RBM27: variants seen among roughly 807,000 people sequenced by gnomAD.
The protein encoded by RBM27 is RNA-binding protein 27.
A neutral mutation model predicts 135.3 loss-of-function variants in RBM27; 22 were observed. That is an observed-to-expected ratio of 0.16 (90% CI 0.12 to 0.23). The LOEUF (loss-of-function observed/expected upper bound fraction) is 0.23. Among genes scored for constraint, RBM27 ranks in the 10% least tolerant of loss-of-function variants. The pLI, the probability that RBM27 is intolerant of heterozygous loss-of-function variation, is 1.00. For synonymous variants in RBM27, 481 were observed against 442.4 expected (o/e 1.09, Z -1.10); for missense variants, 1,009 against 1,281.0 (o/e 0.79, Z 3.24).
chr5:146,239,670 G>T (rs1025061223), intron 8 of RBM27, among the ~76,000 whole-genome samples: 1 of 151,538 alleles, frequency 6.6e-6, no homozygotes, highest in African/African-American at 2.4e-5. Context: ...GGTAGAGATG[G>T]GGTTTTGTTA....
intron 19 of RBM27, among the ~76,000 whole-genome samples, chr5:146,281,017 C>G (rs536166132): frequency 6.6e-6 from 1 of 152,010 alleles, no homozygotes. Context: ...ACCACCACAC[C>G]CAACTAATTT....
chr5:146,269,278 A>G lies in RBM27; in HGVS notation c.2523A>G (p.Gln841=), dbSNP rs932060559. ...QEVLEKQIEC[Q]KMLISKLEKN... The stretch of plus-strand genomic sequence containing the variant: ...TGTTAGAAAAGCAAATAGAATGCCA[A>G]AAGGTAAGACAAGAGCTCATTATTT... Residue 841 remains glutamine (Q), a synonymous_variant, in exon 16 of 21, where the codon CAA becomes CAG. Coordinates refer to ENST00000265271, the MANE Select transcript of RBM27 (RefSeq NM_018989.2). 6.2e-7 allele frequency: 1 copy of G among 1,605,456 alleles called. No homozygotes were observed. Among genetic ancestry groups the G allele is most frequent in the Middle Eastern group, 1.7e-4 (1 of 6,042 alleles).
intron 10 of RBM27, among the ~76,000 whole-genome samples, chr5:146,257,580 T>C (rs1758161304): frequency 6.6e-6 from 1 of 152,210 alleles, no homozygotes; most frequent in African/African-American, 2.4e-5. Context: ...AATTAATTGG[T>C]AGACATTGTG....
At chr5:146,285,063 G>A (rs923860815) in intron 20 of RBM27, among the ~76,000 whole-genome samples, 1 of 151,964 alleles carries the variant, frequency 6.6e-6, no homozygotes, top group African/African-American at 2.4e-5. Flanking sequence ...TTCACTTTTT[G>A]TTTATTCAAG....
intron 4 of RBM27, 69 bp downstream of exon 4, chr5:146,229,106 A>T: frequency 1.7e-6 from 2 of 1,200,354 alleles, no homozygotes; most frequent in Non-Finnish European, 2.4e-6. Flanking sequence ...AGGACATTAA[A>T]GGGATTTTTA....
At chr5:146,263,383 C>G (rs763755790) in intron 13 of RBM27, 108 bp from the exon 14 acceptor site, 4 of 1,089,212 alleles carry the variant, frequency 3.7e-6, no homozygotes, top group Admixed American at 2.5e-5. Context: ...AGCACCTTCC[C>G]GTTCCCATTT....
chr5:146,219,615 T>C (rs1470290935), intron 2 of RBM27, among the ~76,000 whole-genome samples: 1 of 152,192 alleles, frequency 6.6e-6, no homozygotes, highest in East Asian at 1.9e-4. Context: ...TTATCTCCTA[T>C]CATTGCCCCT....
chr5:146,271,422 C>G, intron 18 of RBM27, 61 bp from the exon 19 acceptor site: 5 of 1,383,042 alleles, frequency 3.6e-6, no homozygotes, highest in Non-Finnish European at 4.9e-6. Flanking sequence ...AAAAGTTTTC[C>G]TTTGTTTTTA....
chr5:146,245,880 G>A (rs1757604012), intron 8 of RBM27, among the ~76,000 whole-genome samples: 1 of 152,160 alleles, frequency 6.6e-6, no homozygotes, highest in Non-Finnish European at 1.5e-5. Flanking sequence ...TGGAAAAATT[G>A]TATTCTGTGG....
At chr5:146,231,338 C>T (rs1350059879) in intron 6 of RBM27, among the ~76,000 whole-genome samples, 1 of 152,194 alleles carries the variant, frequency 6.6e-6, no homozygotes, top group Non-Finnish European at 1.5e-5. Context: ...CTCCTGACCT[C>T]AGGTGATCTG....
chr5:146,233,655 C>CCCAGGT lies in RBM27; in HGVS notation c.1065_1070dup (p.Pro357_Gly358dup), dbSNP rs780447252. The CCCAGGT allele has an allele frequency of 6.3e-5, 99 of 1,560,620 alleles. No homozygotes were observed. The highest frequency in any genetic ancestry group is 5.9e-4 in the South Asian group (49 of 82,682). Reference sequence around the variant, plus strand: ...GCCCAGGTCCAGGCCCAGGCCCGGGCCCAGGTCCAGGTCCTGGCCATAGTA... The same window carrying CCCAGGT: ...GCCCAGGTCCAGGCCCAGGCCCGGGCCCAGGTCCAGGTCCAGGTCCTGGCCATAGTA... On this transcript the variant is annotated inframe_insertion, in exon 7 of 21. Coordinates refer to ENST00000265271, the MANE Select transcript of RBM27 (RefSeq NM_018989.2).
chr5:146,223,677 T>C (rs1455983164), intron 3 of RBM27, 150 bp downstream of exon 3: 2 of 893,394 alleles, frequency 2.2e-6, no homozygotes, highest in Non-Finnish European at 3.2e-6. Flanking sequence ...CAGGATTTCA[T>C]AGTTGCTTGG....
At chr5:146,244,348 C>A (rs556834424) in intron 8 of RBM27, among the ~76,000 whole-genome samples, 5 of 151,980 alleles carry the variant, frequency 3.3e-5, no homozygotes, top group African/African-American at 1.2e-4. Context: ...AGAAGTAAGA[C>A]CCTGTCTTAA....
chr5:146,279,613 G>A (rs1759245238), intron 19 of RBM27, among the ~76,000 whole-genome samples: 2 of 151,878 alleles, frequency 1.3e-5, no homozygotes, highest in Admixed American at 1.3e-4. Context: ...TTTGAGACCA[G>A]CCTGGCCAAC....
chr5:146,266,891 T>G (rs566614818), intron 14 of RBM27, among the ~76,000 whole-genome samples: 21 of 152,206 alleles, frequency 1.4e-4, no homozygotes, highest in African/African-American at 4.6e-4. Context: ...ATTGCACCTC[T>G]GCACGCTAGC....
At chr5:146,271,792 A>G (rs1400257154) in intron 19 of RBM27, 118 bp downstream of exon 19, 4 of 864,688 alleles carry the variant, frequency 4.6e-6, no homozygotes, top group Non-Finnish European at 3.4e-6. Flanking sequence ...TGTAAAAAAC[A>G]TGAGTACTAC....
chr5:146,230,583 GAAAAT>G, intron 5 of RBM27, 69 bp from the exon 6 acceptor site: 1 of 1,468,012 alleles, frequency 6.8e-7, no homozygotes, highest in South Asian at 1.3e-5. Context: ...TTCTATGTGA[GAAAAT>G]AAATATAGTT....
intron 14 of RBM27, among the ~76,000 whole-genome samples, chr5:146,265,637 T>G (rs1758582644): frequency 6.6e-6 from 1 of 152,020 alleles, no homozygotes; most frequent in South Asian, 2.1e-4. Flanking sequence ...CTGCATTGAG[T>G]GCTTTAAAAC....
intron 1 of RBM27, among the ~76,000 whole-genome samples, chr5:146,204,532 C>T (rs1431263391): frequency 6.6e-6 from 1 of 151,912 alleles, no homozygotes; most frequent in Non-Finnish European, 1.5e-5. Context: ...CTTTTAGATA[C>T]ATAGAGGTTG....
Sources: gnomAD v4.1 joint callset for allele counts (sites outside exome capture counted in the v4.1 genomes callset) on GRCh38, gnomAD v4.1.1 for gene constraint, MANE v1.5 for transcripts, NCBI Gene and HGNC (gene_info 2026-07-23, HGNC 2026-07-21) for gene names.